The following PEX2 variants were observed in gnomAD, a reference collection of about 807,000 sequenced individuals.
PEX2 encodes peroxisome biogenesis factor 2.
PEX2 carries 19 observed loss-of-function variants against 25.2 expected under a neutral mutation model. The observed-to-expected ratio is 0.75, with a 90% confidence interval of 0.53 to 1.10. The LOEUF (loss-of-function observed/expected upper bound fraction) is 1.10, where lower values mean the gene tolerates loss of function less well. Among genes scored for constraint, PEX2 ranks in the 50% least tolerant of loss-of-function variants. PEX2 has a pLI of 0.00. For synonymous variants in PEX2, 141 were observed against 127.7 expected, an observed-to-expected ratio of 1.10 and a Z score of -0.70; for missense variants, 347 against 350.6, an observed-to-expected ratio of 0.99 and a Z score of 0.08.
intron 1 of PEX2, among the ~76,000 whole-genome samples, chr8:76,998,126 G>C (rs949690123): frequency 1.3e-5 from 2 of 152,186 alleles, no homozygotes; most frequent in Non-Finnish European, 2.9e-5. Context: ...AATAAAGATT[G>C]TGTACATTCA....
chr8:76,983,248 G>GC lies in PEX2; in HGVS notation c.*12dup, dbSNP rs765608233. On this transcript the variant is annotated 3_prime_UTR_variant, in exon 4 of 4. Coordinates refer to ENST00000357039, the MANE Select transcript of PEX2 (RefSeq NM_000318.3). ...CGGTGCATTTTTTTCCTCAAAGGAA[G>GC]CAATTTTAGTTTCTAAAGAGCATTT... 1 of 1,609,986 alleles carries GC rather than the reference G, an allele frequency of 6.2e-7. No individual in the cohort carries two copies. Among genetic ancestry groups the GC allele is most frequent in the Non-Finnish European group, 8.5e-7 (1 of 1,179,906 alleles).
At chr8:76,994,883 T>A (rs1807276938) in intron 1 of PEX2, among the ~76,000 whole-genome samples, 1 of 152,196 alleles carries the variant, frequency 6.6e-6, no homozygotes, top group Non-Finnish European at 1.5e-5. Flanking sequence ...TGACTAGACA[T>A]CTTAAGTTTT....
rs1263110242 is a variant in PEX2 at position 76,981,077 on chromosome 8, G to A, written c.*2184C>T. ...ACTTAATGAACTCAGATTCAACATT[G>A]CATTATTCACAACAGAAAGTGAAAA... On this transcript the variant is annotated 3_prime_UTR_variant, in exon 4 of 4. Coordinates refer to ENST00000357039, the MANE Select transcript of PEX2 (RefSeq NM_000318.3). 6.6e-6 allele frequency: 1 copy of A among 152,186 alleles called. No homozygotes were observed. The highest frequency in any genetic ancestry group is 6.5e-5 in the Admixed American group (1 of 15,282). 9.4% of individuals were successfully genotyped at this position (152,186 alleles called of 1,614,324 possible). A position where few individuals can be genotyped will look rare whatever the true frequency, so the allele number is the denominator to read the frequency against.
intron 1 of PEX2, among the ~76,000 whole-genome samples, chr8:76,988,671 CTCT>C (rs1807074325): frequency 6.6e-6 from 1 of 152,160 alleles, no homozygotes; most frequent in African/African-American, 2.4e-5. Context: ...CATGGATTGA[CTCT>C]TCATCTCATG....
At chr8:76,990,116 T>C (rs1295837865) in intron 1 of PEX2, among the ~76,000 whole-genome samples, 2 of 152,362 alleles carry the variant, frequency 1.3e-5, no homozygotes, top group East Asian at 3.9e-4. Context: ...CTTTCATGTT[T>C]ATATCATAAA....
rs543437636 is a variant in PEX2, at chr8:76,985,948, T to A, written c.-18+239A>T. 5.9e-5 allele frequency among the ~76,000 whole-genome samples: 9 copies of A among 152,328 alleles called. No homozygotes were observed. In the South Asian group the frequency reaches 1.5e-3, roughly 25 times the overall value. On this transcript the variant is annotated intron_variant, in intron 3 of 3. Coordinates refer to ENST00000357039, the MANE Select transcript of PEX2 (RefSeq NM_000318.3). ...ATTAGAAGGTAAAGTAAACTTGTAC[T>A]TCTTGAAATTGGGAGTATCTTTGAC...
In PEX2 at chr8:76,981,800, TA is replaced by T. The variant is rs1217807902; in HGVS notation, c.*1460del. On this transcript the variant is annotated 3_prime_UTR_variant, in exon 4 of 4. Transcript: ENST00000357039. ...GTTGGTGTTTTCTACAATAATGTTT[TA>T]AAATTACAGAAGGCAAAAGAAGGCA... The T allele has an allele frequency of 6.6e-6, 1 of 152,202 alleles. No homozygotes were observed. The highest frequency in any genetic ancestry group is 2.4e-5 in the African/African-American group (1 of 41,454). The allele number at this position is 152,202 out of a possible 1,614,324, so 9.4% of individuals were successfully genotyped here.
At position 76,983,502 on chromosome 8, in the gene PEX2, G is replaced by A. The variant is rs761779202; in HGVS notation, c.677C>T (p.Pro226Leu). 1.2e-6 allele frequency: 2 copies of A among 1,614,018 alleles called. No homozygotes were observed. The highest frequency in any genetic ancestry group is 1.7e-6 in the Non-Finnish European group (2 of 1,179,956). The change falls in exon 4 of 4, where the codon CCT (proline) becomes CTT (leucine). Residue 226 changes from proline (P) to leucine (L), a missense_variant. Physicochemically the swap from Pro to Leu is moderately conservative, Grantham distance 98. Coordinates refer to ENST00000357039, the MANE Select transcript of PEX2 (RefSeq NM_000318.3). ...GTCACTATTAGGTGCACCAGTAAGA[G>A]GAATACACCATGAAGACAGCTTGGC... Reference protein sequence around the residue: ...LKAKLSSWCIPLTGAPNSDNT... With the variant: ...LKAKLSSWCILLTGAPNSDNT...
chr8:76,989,428 G>C (rs1381011967), intron 1 of PEX2, among the ~76,000 whole-genome samples: 1 of 152,052 alleles, frequency 6.6e-6, no homozygotes, highest in Non-Finnish European at 1.5e-5. Context: ...TGTTCTTAAT[G>C]GTACACAGAA....
chr8:76,993,254 A>T (rs1807226196), intron 1 of PEX2, among the ~76,000 whole-genome samples: 1 of 152,236 alleles, frequency 6.6e-6, no homozygotes, highest in Non-Finnish European at 1.5e-5. Context: ...TATAAATTTC[A>T]AAAGATTAAT....
rs1000780993 is a variant in PEX2, at chr8:76,981,070, C to T, written c.*2191G>A. On this transcript the variant is annotated 3_prime_UTR_variant, in exon 4 of 4. Coordinates refer to ENST00000357039, the MANE Select transcript of PEX2 (RefSeq NM_000318.3). ...ACTCTTCACTTAATGAACTCAGATT[C>T]AACATTGCATTATTCACAACAGAAA... 3 of 152,204 alleles carry T rather than the reference C, an allele frequency of 2.0e-5. No homozygotes were observed. Among genetic ancestry groups the T allele is most frequent in the African/African-American group, 7.2e-5 (3 of 41,442 alleles). The allele number at this position is 152,204 out of a possible 1,614,324, so 9.4% of individuals were successfully genotyped here. A position where few individuals can be genotyped will look rare whatever the true frequency, so the allele number is the denominator to read the frequency against.
chr8:76,985,686 C>A (rs941374770), intron 3 of PEX2, among the ~76,000 whole-genome samples: 2 of 152,088 alleles, frequency 1.3e-5, no homozygotes, highest in Admixed American at 6.5e-5. Flanking sequence ...CATGTCTAGG[C>A]CTTTAAAAAG....
intron 1 of PEX2, among the ~76,000 whole-genome samples, chr8:76,991,205 GT>G (rs1224159933): frequency 6.6e-6 from 1 of 152,166 alleles, no homozygotes; most frequent in Admixed American, 6.5e-5. Flanking sequence ...CAAGTTTCTT[GT>G]TTTTGGAGGA....
chr8:76,996,142 A>T (rs1807323472), intron 1 of PEX2, among the ~76,000 whole-genome samples: 1 of 152,210 alleles, frequency 6.6e-6, no homozygotes, highest in Admixed American at 6.5e-5. Context: ...GACAATCCCA[A>T]TGAACTTGTT....
rs1483316793 is a variant in PEX2, at chr8:76,981,875, A to C, written c.*1386T>G. ...TTAACTCAAACTACAAAACTTCTTC[A>C]GTATCTTACACTAAATTGAACCTAA... is the stretch of plus-strand genomic sequence containing the variant. On this transcript the variant is annotated 3_prime_UTR_variant, in exon 4 of 4. Coordinates refer to ENST00000357039, the MANE Select transcript of PEX2 (RefSeq NM_000318.3). The C allele has an allele frequency of 6.6e-6, 1 of 152,242 alleles. No individual in the cohort carries two copies. The allele number at this position is 152,242 out of a possible 1,614,324, so 9.4% of individuals were successfully genotyped here.
At chr8:76,992,203 G>A (rs1052592853) in intron 1 of PEX2, among the ~76,000 whole-genome samples, 3 of 152,148 alleles carry the variant, frequency 2.0e-5, no homozygotes, top group African/African-American at 7.2e-5. Flanking sequence ...AGTGTGGATA[G>A]AGAAAAGAGA....
At chr8:76,992,555 A>G (rs946292340) in intron 1 of PEX2, among the ~76,000 whole-genome samples, 1 of 152,200 alleles carries the variant, frequency 6.6e-6, no homozygotes, top group African/African-American at 2.4e-5. Context: ...TAACCCAATT[A>G]TGGAATCTTC....
Position 77,000,056 on chromosome 8 carries a change from C to A in PEX2, c.-226G>T, listed in dbSNP as rs1051149100. ...CTGAAACATTCTCTGGAAAGCTTGT[C>A]TTTTCCTAGCCGAATCTGGATTACC... On this transcript the variant is annotated 5_prime_UTR_variant, in exon 1 of 4. Transcript: ENST00000357039. The A allele has an allele frequency of 4.6e-6, 2 of 432,134 alleles. No individual in the cohort carries two copies. The highest frequency in any genetic ancestry group is 2.5e-5 in the Admixed American group (1 of 39,376). The allele number at this position is 432,134 out of a possible 1,614,324, so 26.8% of individuals were successfully genotyped here.
chr8:76,999,673 A>G, intron 1 of PEX2: 1 of 365,660 alleles, frequency 2.7e-6, no homozygotes, highest in South Asian at 2.1e-5. Context: ...TATCTTCACG[A>G]CCGCCAAATG....
Sources: gnomAD v4.1 joint callset for allele counts (sites outside exome capture counted in the v4.1 genomes callset) on GRCh38, gnomAD v4.1.1 for gene constraint, MANE v1.5 for transcripts, NCBI Gene and HGNC (gene_info 2026-07-23, HGNC 2026-07-21) for gene names.